The following UNC13C variants were observed in gnomAD, a reference collection of about 807,000 sequenced individuals.
The protein encoded by UNC13C is unc-13 homolog C, also known as protein unc-13 homolog C.
Under a neutral mutation model 245.4 loss-of-function variants are expected in UNC13C, and 174 were observed. The ratio of observed to expected loss-of-function variants is 0.71; its 90% CI spans 0.63 to 0.80. UNC13C has a LOEUF of 0.80. UNC13C is among the 30% of genes least tolerant of loss of function. The pLI, the probability that UNC13C is intolerant of heterozygous loss-of-function variation, is 0.00. For synonymous variants in UNC13C, 992 were observed against 895.1 expected, an observed-to-expected ratio of 1.11 and a Z score of -1.93; for missense variants, 2,829 against 2,602.9, an observed-to-expected ratio of 1.09 and a Z score of -1.89.
intron 29 of UNC13C, among the ~76,000 whole-genome samples, chr15:54,563,740 T>C (rs557542586): frequency 6.6e-6 from 1 of 152,122 alleles, no homozygotes; most frequent in Non-Finnish European, 1.5e-5. Context: ...ATAGTGGGTT[T>C]TGTCTAATAA....
intron 21 of UNC13C, 124 bp from the exon 22 acceptor site, chr15:54,500,711 T>C: frequency 1.3e-6 from 1 of 774,600 alleles, no homozygotes; most frequent in Non-Finnish European, 2.0e-6. Flanking sequence ...TGGGTAAGCA[T>C]TTTATTACTG....
chr15:54,309,742 A>C (rs1335082442), intron 13 of UNC13C, among the ~76,000 whole-genome samples: 2 of 151,816 alleles, frequency 1.3e-5, no homozygotes, highest in African/African-American at 2.4e-5. Context: ...CAGTTTTTTC[A>C]ACATCATTAT....
At chr15:53,943,670 G>A in the UNC13C span, among the ~76,000 whole-genome samples, 1 of 152,070 alleles carries the variant, frequency 6.6e-6, no homozygotes, top group South Asian at 2.1e-4. Context: ...AAAAATTATA[G>A]TATTGTACTT....
the UNC13C span, among the ~76,000 whole-genome samples, chr15:53,931,116 C>G: frequency 6.6e-6 from 1 of 152,142 alleles, no homozygotes; most frequent in Non-Finnish European, 1.5e-5. Flanking sequence ...CTTACCATCT[C>G]AGACAGAAAG....
chr15:54,508,812 A>T (rs1347856221), intron 23 of UNC13C, among the ~76,000 whole-genome samples: 1 of 152,232 alleles, frequency 6.6e-6, no homozygotes, highest in Non-Finnish European at 1.5e-5. Context: ...AGATCACTGA[A>T]ACTTGTACAT....
downstream of UNC13C, chr15:54,632,573 A>G (rs1047234466): frequency 1.3e-5 from 2 of 152,198 alleles, no homozygotes; most frequent in Admixed American, 6.5e-5. Flanking sequence ...AATTAATTAG[A>G]AACTAATTTT....
intron 29 of UNC13C, among the ~76,000 whole-genome samples, chr15:54,565,229 C>A (rs1897460276): frequency 6.6e-6 from 1 of 151,932 alleles, no homozygotes; most frequent in Non-Finnish European, 1.5e-5. Flanking sequence ...ATGTTGGTTA[C>A]ATTTCCTACT....
At chr15:54,611,107 T>A (rs775582023) in intron 30 of UNC13C, among the ~76,000 whole-genome samples, 1 of 152,142 alleles carries the variant, frequency 6.6e-6, no homozygotes, top group Non-Finnish European at 1.5e-5. Flanking sequence ...TAGCTACAAG[T>A]GGCCATCAGT....
chr15:53,924,297 G>A, the UNC13C span, among the ~76,000 whole-genome samples: 2 of 152,180 alleles, frequency 1.3e-5, no homozygotes, highest in African/African-American at 4.8e-5. Context: ...TGTTTCCGGT[G>A]TTGCCATTTA....
At position 54,265,370 on chromosome 15, in the gene UNC13C, G is replaced by A; in HGVS notation, c.3692G>A (p.Gly1231Asp). Residue 1231 changes from glycine (G) to aspartate (D), a missense_variant, in exon 10 of 33, where the codon GGT becomes GAT. Transcript: ENST00000260323. ...TTTATTTCAGTGGTTTCTGCACAGGGTCTACAGGCAAAAGATAAAACAGGG... is the reference window on the plus strand; with the variant it reads ...TTTATTTCAGTGGTTTCTGCACAGGATCTACAGGCAAAAGATAAAACAGGG... ...KITITVVSAQ[G>D]LQAKDKTGSS... 1.9e-6 allele frequency: 3 copies of A among 1,580,554 alleles called. No homozygotes were observed. The highest frequency in any genetic ancestry group is 2.3e-5 in the East Asian group (1 of 44,356).
chr15:54,299,517 A>G lies in UNC13C; in HGVS notation c.4105-693A>G, dbSNP rs1287245413. On this transcript the variant is annotated intron_variant, in intron 12 of 32. Coordinates refer to ENST00000260323, the MANE Select transcript of UNC13C (RefSeq NM_001080534.3). ...GAATGCAAAATACGCTCTATCATGT[A>G]GAAATGTTTTCAGGCAAAAACACTC... Among the ~76,000 whole-genome samples the G allele has an allele frequency of 2.0e-5, 3 of 152,198 alleles. No individual in the cohort carries two copies. In the East Asian group the frequency reaches 5.8e-4, roughly 29 times the overall value.
chr15:53,975,449 A>G (rs1440304267), upstream of UNC13C, among the ~76,000 whole-genome samples: 1 of 152,204 alleles, frequency 6.6e-6, no homozygotes, highest in Non-Finnish European at 1.5e-5. Context: ...TTGTTTTTTA[A>G]AAAATATAAT....
At chr15:54,247,467 T>G (rs1319299584) in intron 7 of UNC13C, among the ~76,000 whole-genome samples, 1 of 152,172 alleles carries the variant, frequency 6.6e-6, no homozygotes, top group Non-Finnish European at 1.5e-5. Flanking sequence ...TAATTTCATG[T>G]TCCTAAACTA....
chr15:54,089,914 C>T (rs4293322), intron 2 of UNC13C, among the ~76,000 whole-genome samples: 6,378 of 152,178 alleles, frequency 0.042, 231 homozygotes, highest in South Asian at 0.14. Flanking sequence ...AGCGGTAGGA[C>T]TTCCAATGTG....
chr15:54,537,986 G>A (rs1308672799), intron 26 of UNC13C, among the ~76,000 whole-genome samples: 1 of 150,916 alleles, frequency 6.6e-6, no homozygotes, highest in East Asian at 1.9e-4. Context: ...CAAAAAATAG[G>A]ACTAATTAAA....
At chr15:54,045,310 T>G (rs1414802086) in intron 2 of UNC13C, among the ~76,000 whole-genome samples, 3 of 152,216 alleles carry the variant, frequency 2.0e-5, no homozygotes, top group Admixed American at 2.0e-4. Flanking sequence ...TGAAAAGATT[T>G]TTCTGTTCCC....
chr15:54,342,360 A>T (rs2038754275), intron 17 of UNC13C, among the ~76,000 whole-genome samples: 1 of 152,168 alleles, frequency 6.6e-6, no homozygotes, highest in African/African-American at 2.4e-5. Flanking sequence ...AATGTAGTCT[A>T]GCTTGGGCAA....
At chr15:54,454,527 G>A (rs1891363773) in intron 19 of UNC13C, among the ~76,000 whole-genome samples, 1 of 150,534 alleles carries the variant, frequency 6.6e-6, no homozygotes, top group Non-Finnish European at 1.5e-5. Flanking sequence ...GCAGTGAGCT[G>A]AGATCACACC....
At chr15:54,248,120 G>C (rs557890985) in intron 7 of UNC13C, among the ~76,000 whole-genome samples, 5 of 151,924 alleles carry the variant, frequency 3.3e-5, no homozygotes, top group Non-Finnish European at 7.4e-5. Context: ...ATTTATGTAA[G>C]GTACATTACT....
Sources: gnomAD v4.1 joint callset for allele counts (sites outside exome capture counted in the v4.1 genomes callset) on GRCh38, gnomAD v4.1.1 for gene constraint, MANE v1.5 for transcripts, NCBI Gene and HGNC (gene_info 2026-07-23, HGNC 2026-07-21) for gene names.